PARVB: variants seen among roughly 807,000 people sequenced by gnomAD.
PARVB encodes parvin beta.
PARVB carries 46 observed loss-of-function variants against 47.0 expected under a neutral mutation model. That is an observed-to-expected ratio of 0.98 (90% CI 0.77 to 1.25). PARVB has a LOEUF of 1.25. Ranked by LOEUF, PARVB falls within the 50% of genes most tolerant of loss-of-function variation. PARVB has a pLI of 0.00. For missense variants in PARVB, 473 were observed against 471.6 expected (o/e 1.00, Z -0.03); for synonymous variants, 196 against 196.3 (o/e 1.00, Z 0.01).
intron 2 of PARVB, among the ~76,000 whole-genome samples, chr22:44,096,206 C>T (rs928916846): frequency 6.6e-6 from 1 of 152,146 alleles, no homozygotes. Context: ...GCCTGGGCAA[C>T]AAGAATGAAA....
chr22:44,003,375 G>T (rs1346966486), intron 2 of PARVB, among the ~76,000 whole-genome samples: 3 of 152,216 alleles, frequency 2.0e-5, no homozygotes, highest in Non-Finnish European at 4.4e-5. Context: ...AAGAGACTGT[G>T]ATGTGGCCTT....
rs142375713 is a variant in PARVB at position 44,160,242 on chromosome 22, C to T, written c.945+2159C>T. ...TGTCGAGTGGGGTGCATCCTGGAGACGTGGAGATCTTTCCTAGAAGAAGAC... is the reference window on the plus strand; with the variant it reads ...TGTCGAGTGGGGTGCATCCTGGAGATGTGGAGATCTTTCCTAGAAGAAGAC... On this transcript the variant is annotated intron_variant, in intron 11 of 12. Coordinates refer to ENST00000338758, the MANE Select transcript of PARVB (RefSeq NM_013327.5). Among the ~76,000 whole-genome samples the T allele has an allele frequency of 3.2e-3, 489 of 152,214 alleles. 3 individuals are homozygous for T. The highest frequency in any genetic ancestry group is 0.011 in the African/African-American group (462 of 41,520).
At position 44,121,558 on chromosome 22, in the gene PARVB, T is replaced by TAAA. The variant is rs60091880; in HGVS notation, c.376+2428_376+2430dup. ...GCTTTTCTTCTCCTGTGTCCTTTTT[T>TAAA]AAAAAAAAAAAATCCCCTAAAATAG... On this transcript the variant is annotated intron_variant, in intron 4 of 12. Transcript: ENST00000338758. Among the ~76,000 whole-genome samples, 9 of 149,512 alleles carry TAAA rather than the reference T, an allele frequency of 6.0e-5. 2 individuals are homozygous for TAAA. The highest frequency in any genetic ancestry group is 1.5e-4 in the African/African-American group (6 of 40,514).
chr22:44,016,344 C>T (rs1472916748), intron 2 of PARVB, among the ~76,000 whole-genome samples: 5 of 152,084 alleles, frequency 3.3e-5, no homozygotes, highest in Non-Finnish European at 7.4e-5. Context: ...GATCCGCCCG[C>T]CTCAGCCTCC....
At chr22:44,086,757 G>A (rs2052033706) in intron 1 of PARVB, 3 of 985,426 alleles carry the variant, frequency 3.0e-6, no homozygotes, top group African/African-American at 1.7e-5. Flanking sequence ...GAAGACCTTC[G>A]TGCCTGATGA....
chr22:44,099,649 G>A (rs8137036), intron 2 of PARVB, among the ~76,000 whole-genome samples: 34,919 of 151,862 alleles, frequency 0.23, 4,823 homozygotes, highest in African/African-American at 0.39. Flanking sequence ...TAACCATCCA[G>A]ACTCTTCAAA....
intron 1 of PARVB, among the ~76,000 whole-genome samples, chr22:44,030,148 G>T (rs2050799617): frequency 6.6e-6 from 1 of 152,240 alleles, no homozygotes; most frequent in South Asian, 2.1e-4. Flanking sequence ...GGGAGCTGTG[G>T]CAGGGGGGCC....
intron 1 of PARVB, among the ~76,000 whole-genome samples, chr22:44,081,316 G>A (rs536301349): frequency 4.0e-4 from 61 of 152,298 alleles, no homozygotes; most frequent in African/African-American, 1.3e-3. Context: ...GGGTCCTCCT[G>A]TTGGGGGAAG....
chr22:44,172,612 C>T lies in PARVB; in HGVS notation c.*3934C>T, dbSNP rs1050878554. On this transcript the variant is annotated 3_prime_UTR_variant, in exon 13 of 13. Transcript: ENST00000338758. ...CACCGAGCCCAGAGTCCCGCTGGGC[C>T]GTGGTGTCCTAATTGTCTTGGTGAC... The T allele has an allele frequency of 1.4e-5, 3 of 221,316 alleles. No homozygotes were observed. Among genetic ancestry groups the T allele is most frequent in the African/African-American group, 4.8e-5 (2 of 41,954 alleles). 13.7% of individuals were successfully genotyped at this position (221,316 alleles called of 1,614,324 possible).
intron 1 of PARVB, among the ~76,000 whole-genome samples, chr22:44,061,465 C>G (rs148531359): frequency 7.5e-6 from 1 of 133,298 alleles, no homozygotes; most frequent in South Asian, 2.4e-4. Context: ...ACAAAACAAA[C>G]CAAAACAGTG....
intron 4 of PARVB, among the ~76,000 whole-genome samples, chr22:44,122,944 T>C (rs542039359): frequency 2.0e-5 from 3 of 152,338 alleles, no homozygotes; most frequent in Admixed American, 6.5e-5. Context: ...CTATCACCAG[T>C]AATATTGTGG....
intron 1 of PARVB, among the ~76,000 whole-genome samples, chr22:44,069,794 G>T (rs1302288488): frequency 6.6e-6 from 1 of 152,206 alleles, no homozygotes; most frequent in Admixed American, 6.5e-5. Flanking sequence ...CTCCCAAAAT[G>T]CTGGGATTAC....
At chr22:44,067,763 G>A (rs906218651) in intron 1 of PARVB, among the ~76,000 whole-genome samples, 1 of 152,190 alleles carries the variant, frequency 6.6e-6, no homozygotes, top group African/African-American at 2.4e-5. Context: ...CATCAGTGCT[G>A]GGGACCTGGA....
At chr22:44,145,549 T>G (rs913089757) in intron 8 of PARVB, 3 of 152,320 alleles carry the variant, frequency 2.0e-5, no homozygotes, top group Non-Finnish European at 4.4e-5. Context: ...GGCTCAGTCT[T>G]CTGAGCATGC....
rs1001112496 is a variant in PARVB at position 44,089,129 on chromosome 22, A to G, written c.113-4799A>G. Among the ~76,000 whole-genome samples, 1 of 152,136 alleles carries G rather than the reference A, an allele frequency of 6.6e-6. No individual in the cohort carries two copies. Among genetic ancestry groups the G allele is most frequent in the East Asian group, 1.9e-4 (1 of 5,158 alleles). Reference sequence around the variant, plus strand: ...GTGCCAAGGGGCCCTCCTCCTATCAAATGCCCTCCTGTCTCTCTCTTCCTA... The same window carrying G: ...GTGCCAAGGGGCCCTCCTCCTATCAGATGCCCTCCTGTCTCTCTCTTCCTA... On this transcript the variant is annotated intron_variant, in intron 1 of 12. Transcript: ENST00000338758. The surrounding 1 kb of genome is among the most constrained non-coding windows in gnomAD (Gnocchi z 4.0).
At chr22:44,131,412 G>A in intron 4 of PARVB, 75 bp from the exon 5 acceptor site, 1 of 1,533,786 alleles carries the variant, frequency 6.5e-7, no homozygotes, top group Non-Finnish European at 8.9e-7. Context: ...AAACTGCTGG[G>A]ATTACAGGCA....
At chr22:44,016,593 C>G (rs2050586054) in intron 2 of PARVB, among the ~76,000 whole-genome samples, 1 of 152,170 alleles carries the variant, frequency 6.6e-6, no homozygotes, top group Admixed American at 6.5e-5. Context: ...TACACAGAGT[C>G]TGAAGGTAAT....
chr22:44,072,105 C>T (rs77892105), intron 1 of PARVB, among the ~76,000 whole-genome samples: 35 of 152,322 alleles, frequency 2.3e-4, no homozygotes, highest in Non-Finnish European at 3.1e-4. Flanking sequence ...TGTAATTGAA[C>T]GGAGTCAGTT....
intron 9 of PARVB, 112 bp downstream of exon 9, chr22:44,148,034 T>G (rs1471960115): frequency 3.6e-6 from 3 of 839,590 alleles, no homozygotes; most frequent in Non-Finnish European, 2.0e-6. Flanking sequence ...TCAGAAATGT[T>G]TGCCACATGG....
Sources: gnomAD v4.1 joint callset for allele counts (sites outside exome capture counted in the v4.1 genomes callset) on GRCh38, gnomAD v4.1.1 for gene constraint, Gnocchi (gnomAD v3.1) non-coding constraint, MANE v1.5 for transcripts, NCBI Gene and HGNC (gene_info 2026-07-23, HGNC 2026-07-21) for gene names.